DOCK9: variants seen among roughly 807,000 people sequenced by gnomAD.
The protein encoded by DOCK9 is dedicator of cytokinesis 9.
Under a neutral mutation model 263.3 loss-of-function variants are expected in DOCK9, and 89 were observed. The ratio of observed to expected loss-of-function variants is 0.34; its 90% CI spans 0.28 to 0.40. The LOEUF (loss-of-function observed/expected upper bound fraction) is 0.40, where lower values mean the gene tolerates loss of function less well. Ranked by LOEUF, DOCK9 falls within the 10% of genes least tolerant of loss-of-function variation. DOCK9 has a pLI of 1.00. For missense variants in DOCK9, 2,140 were observed against 2,603.4 expected (o/e 0.82, Z 3.87); for synonymous variants, 976 against 973.1 (o/e 1.00, Z -0.06).
chr13:98,831,051 T>A (rs1025746474), intron 41 of DOCK9, among the ~76,000 whole-genome samples: 1 of 152,204 alleles, frequency 6.6e-6, no homozygotes, highest in Non-Finnish European at 1.5e-5. Flanking sequence ...ACCTAAAATG[T>A]TTACTATTAA....
chr13:98,886,586 T>C lies in DOCK9; in HGVS notation c.2082A>G (p.Arg694=). ...YGRPGGPVFT[R]SAFAAVLHHH... Reference sequence around the variant, plus strand: ...GGTGTAAAACTGCAGCAAAGGCGCTTCTTGTGAAAACTGGCCCACCAGGTC... The same window carrying C: ...GGTGTAAAACTGCAGCAAAGGCGCTCCTTGTGAAAACTGGCCCACCAGGTC... The change falls in exon 19 of 53, where the codon AGA becomes AGG. Residue 694 remains arginine (R), a synonymous_variant. Transcript: ENST00000682017. 1 of 1,613,942 alleles carries C rather than the reference T, an allele frequency of 6.2e-7. No homozygotes were observed. Among genetic ancestry groups the C allele is most frequent in the Non-Finnish European group, 8.5e-7 (1 of 1,179,828 alleles).
chr13:98,829,787 T>TGCTCA lies in DOCK9; in HGVS notation c.4636-32_4636-31insTGAGC. The TGCTCA allele has an allele frequency of 1.3e-6, 2 of 1,552,416 alleles. No individual in the cohort carries two copies. The highest frequency in any genetic ancestry group is 1.8e-6 in the Non-Finnish European group (2 of 1,139,810). ...GGACACACAAACATGAGCAAATCAATTTACCTTCAAATGACTGCCCAGGCT... is the reference window on the plus strand; with the variant it reads ...GGACACACAAACATGAGCAAATCAATGCTCATTACCTTCAAATGACTGCCCAGGCT... On this transcript the variant is annotated intron_variant, in intron 41 of 52. Coordinates refer to ENST00000682017, the MANE Select transcript of DOCK9 (RefSeq NM_001366683.2). This position sits in a 1 kb window ranked among gnomAD's most constrained non-coding sequence, Gnocchi z 4.1.
intron 15 of DOCK9, among the ~76,000 whole-genome samples, chr13:98,895,652 G>A (rs2047315596): frequency 6.7e-6 from 1 of 149,594 alleles, no homozygotes. Flanking sequence ...GGGACAGAGT[G>A]AGACTCCATC....
Position 98,805,824 on chromosome 13 carries a change from C to T in DOCK9, c.5515-615G>A, listed in dbSNP as rs372655964. ...TTGCCCAGGCTGGAGTGCAATGGCG[C>T]GATCTCAGCTACTGCAACCTCTGCC... On this transcript the variant is annotated intron_variant, in intron 48 of 52. Transcript: ENST00000682017. Among the ~76,000 whole-genome samples, 42 of 152,184 alleles carry T rather than the reference C, an allele frequency of 2.8e-4. No individual in the cohort carries two copies. The South Asian group carries it at 5.6e-3, about 20-fold the overall frequency.
intron 1 of DOCK9, chr13:99,086,204 G>T: frequency 6.7e-7 from 1 of 1,483,684 alleles, no homozygotes. Context: ...CCCCCGGCCC[G>T]CGGTCGTCCC....
intron 15 of DOCK9, among the ~76,000 whole-genome samples, chr13:98,891,115 G>C (rs1455075535): frequency 6.6e-6 from 1 of 152,036 alleles, no homozygotes; most frequent in East Asian, 1.9e-4. Context: ...TGGGAGGAGG[G>C]GCAGCAGCCT....
chr13:99,016,622 C>T (rs567786305), intron 1 of DOCK9, among the ~76,000 whole-genome samples: 2 of 152,182 alleles, frequency 1.3e-5, no homozygotes, highest in South Asian at 2.1e-4. Context: ...CACTACCTCA[C>T]GTGAATCTCT....
At chr13:98,856,063 T>C in intron 33 of DOCK9, 32 bp from the exon 34 acceptor site, 1 of 1,610,072 alleles carries the variant, frequency 6.2e-7, no homozygotes, top group South Asian at 1.1e-5. Flanking sequence ...AATAAAGTTT[T>C]ATTAAGACAG....
At chr13:98,803,879 T>A (rs1041993006) in intron 49 of DOCK9, among the ~76,000 whole-genome samples, 1 of 152,126 alleles carries the variant, frequency 6.6e-6, no homozygotes, top group Non-Finnish European at 1.5e-5. Flanking sequence ...TTTTCCCTCA[T>A]AGGGAGTGTG....
At chr13:98,820,153 C>A (rs138674356) in intron 45 of DOCK9, among the ~76,000 whole-genome samples, 672 of 152,300 alleles carry the variant, frequency 4.4e-3, no homozygotes, top group Non-Finnish European at 6.0e-3. Context: ...CAATCAATAC[C>A]TACACTTGTT....
chr13:98,842,100 TGTACA>T (rs1377922000), intron 38 of DOCK9, among the ~76,000 whole-genome samples: 2 of 152,208 alleles, frequency 1.3e-5, no homozygotes, highest in African/African-American at 4.8e-5. Flanking sequence ...TTCAATATGA[TGTACA>T]GTAAAGGAAT....
At chr13:98,923,411 A>C in intron 4 of DOCK9, 40 bp from the exon 5 acceptor site, 1 of 1,542,284 alleles carries the variant, frequency 6.5e-7, no homozygotes, top group East Asian at 2.2e-5. Flanking sequence ...AGAAATGCCT[A>C]GTCAAGGAAG....
rs1464506294 is a variant in DOCK9 at position 98,950,458 on chromosome 13, T to C, written c.243+4977A>G. 3 of 590,090 alleles carry C rather than the reference T, an allele frequency of 5.1e-6. No homozygotes were observed. The African/African-American group carries it at 5.7e-5, about 11-fold the overall frequency. 36.6% of individuals were successfully genotyped at this position (590,090 alleles called of 1,614,324 possible). A position where few individuals can be genotyped will look rare whatever the true frequency, so the allele number is the denominator to read the frequency against. On this transcript the variant is annotated intron_variant, in intron 2 of 52. Coordinates refer to ENST00000682017, the MANE Select transcript of DOCK9 (RefSeq NM_001366683.2). ...CTCTTGCTCTGCCATCTTTCTAGTATCTAATATTTTTTAAATTTATTTTTT... is the reference window on the plus strand; with the variant it reads ...CTCTTGCTCTGCCATCTTTCTAGTACCTAATATTTTTTAAATTTATTTTTT...
chr13:99,074,367 A>G (rs1022871146), intron 1 of DOCK9, among the ~76,000 whole-genome samples: 8 of 152,208 alleles, frequency 5.3e-5, no homozygotes, highest in Non-Finnish European at 1.0e-4. Context: ...GTGTTATTCA[A>G]TGTCTATGGT....
intron 45 of DOCK9, among the ~76,000 whole-genome samples, chr13:98,822,549 G>A (rs1217996017): frequency 3.9e-5 from 6 of 152,220 alleles, no homozygotes; most frequent in Admixed American, 6.5e-5. Context: ...AGACAATGCA[G>A]TCATGCCTCT....
At chr13:98,819,406 T>C (rs934804924) in intron 45 of DOCK9, among the ~76,000 whole-genome samples, 5 of 152,222 alleles carry the variant, frequency 3.3e-5, no homozygotes, top group Non-Finnish European at 1.5e-5. Flanking sequence ...CAACTTCCAG[T>C]TCAGACTGGA....
intron 2 of DOCK9, chr13:98,950,047 T>C: frequency 2.2e-6 from 1 of 465,084 alleles, no homozygotes; most frequent in Non-Finnish European, 4.1e-6. Context: ...TCACATAAGG[T>C]TCTACTATAA....
intron 9 of DOCK9, 105 bp downstream of exon 9, chr13:98,914,223 A>G (rs1472152265): frequency 1.0e-6 from 1 of 952,502 alleles, no homozygotes. Context: ...GGTAATCACA[A>G]TGTAATTTTT....
chr13:98,898,999 A>T (rs1402835251), intron 13 of DOCK9, among the ~76,000 whole-genome samples: 2 of 151,856 alleles, frequency 1.3e-5, no homozygotes, highest in Admixed American at 1.3e-4. Context: ...TTTGTCATCA[A>T]TGCAAAGTTT....
Sources: gnomAD v4.1 joint callset for allele counts (sites outside exome capture counted in the v4.1 genomes callset) on GRCh38, gnomAD v4.1.1 for gene constraint, Gnocchi (gnomAD v3.1) non-coding constraint, MANE v1.5 for transcripts, NCBI Gene and HGNC (gene_info 2026-07-23, HGNC 2026-07-21) for gene names.